VARS1: variants seen among roughly 807,000 people sequenced by gnomAD.
VARS1 encodes the protein valyl-tRNA synthetase 1.
Under a neutral mutation model 161.0 loss-of-function variants are expected in VARS1, and 92 were observed. The observed-to-expected ratio is 0.57, with a 90% CI of 0.48 to 0.68. The LOEUF (loss-of-function observed/expected upper bound fraction) is 0.68, where lower values mean the gene tolerates loss of function less well. VARS1 is among the 30% of genes least tolerant of loss of function. VARS1 has a pLI of 0.00. For missense variants in VARS1, 1,338 were observed against 1,695.9 expected (o/e 0.79, Z 3.71); for synonymous variants, 595 against 682.5 (o/e 0.87, Z 2.00).
chr6:31,794,968 G>T lies in VARS1; in HGVS notation c.250C>A (p.Leu84Met). The T allele has an allele frequency of 6.2e-7, 1 of 1,612,110 alleles. No homozygotes were observed. The highest frequency in any genetic ancestry group is 1.3e-5 in the African/African-American group (1 of 75,012). ...AVAQLLWPAG[L>M]GGPGGSRAAV... ...GCCCGGCTGCCCCCTGGGCCCCCCA[G>T]GCCTGCTGGCCACAGCAGCTGGGCC... The change falls in exon 2 of 30, where the codon CTG becomes ATG. Residue 84 changes from leucine to methionine, a missense_variant. Around this residue, in one of 3 missense-constraint regions of VARS1, gnomAD observed 902 missense variants for 1,090.3 expected, o/e 0.83. Transcript: ENST00000375663.
In VARS1 at chr6:31,781,844, T is replaced by C; in HGVS notation, c.2347+3A>G. Reference sequence around the variant, plus strand: ...CCTCCAGACCCTCAAAGCCCCGCCTTGCCTTGCTGGAGACTGATCTTGTCA... The same window carrying C: ...CCTCCAGACCCTCAAAGCCCCGCCTCGCCTTGCTGGAGACTGATCTTGTCA... On this transcript the variant is annotated splice_donor_region_variant and intron_variant, in intron 19 of 29. Transcript: ENST00000375663. The surrounding 1 kb of genome is among the most constrained non-coding windows in gnomAD (Gnocchi z 6.8). 1 of 1,612,992 alleles carries C rather than the reference T, an allele frequency of 6.2e-7. No individual in the cohort carries two copies. The highest frequency in any genetic ancestry group is 8.5e-7 in the Non-Finnish European group (1 of 1,180,000).
chr6:31,792,511 C>T lies in VARS1; in HGVS notation c.667G>A (p.Glu223Lys), dbSNP rs774943888. 8.1e-6 allele frequency: 13 copies of T among 1,613,410 alleles called. No individual in the cohort carries two copies. Among genetic ancestry groups the T allele is most frequent in the Non-Finnish European group, 1.0e-5 (12 of 1,179,888 alleles). The stretch of plus-strand genomic sequence containing the variant: ...GCTGTCTTTGGGAGGGCAGGAGCCT[C>T]GGGGCCTAGAGAGAGGTGCAGAAAT... ...ARPLSHQPGP[E>K]APALPKTAAQ... is the part of the protein sequence containing the mutation. Residue 223 changes from glutamate (E) to lysine (K), a missense_variant, in exon 5 of 30, where the codon GAG becomes AAG. Transcript: ENST00000375663.
Position 31,780,543 on chromosome 6 carries a change from G to T in VARS1, c.2823C>A (p.Asn941Lys), listed in dbSNP as rs949612526. 8 of 1,613,728 alleles carry T rather than the reference G, an allele frequency of 5.0e-6. No homozygotes were observed. The highest frequency in any genetic ancestry group is 6.8e-6 in the Non-Finnish European group (8 of 1,179,936). Residue 941 changes from asparagine (N) to lysine (K), a missense_variant, in exon 25 of 30, where the codon AAC (asparagine) becomes AAA (lysine). Physicochemically the swap from Asn to Lys is moderately conservative, Grantham distance 94. This residue lies in a region of VARS1 where 433 missense variants were observed against 586.2 expected (regional missense o/e 0.74). Transcript: ENST00000375663. This position sits in a 1 kb window ranked among gnomAD's most constrained non-coding sequence, Gnocchi z 5.1. ...SQGRDINLDV[N>K]RILGYRHFCN... Reference sequence around the variant, plus strand: ...AGAAGTGGCGGTAACCCAGTATCCGGTTCACATCCAGGTTGATGTCACGAC... The same window carrying T: ...AGAAGTGGCGGTAACCCAGTATCCGTTTCACATCCAGGTTGATGTCACGAC...
intron 8 of VARS1, among the ~76,000 whole-genome samples, chr6:31,786,846 C>G (rs1467359759): frequency 6.6e-6 from 1 of 151,964 alleles, no homozygotes; most frequent in Non-Finnish European, 1.5e-5. Flanking sequence ...TAAGGATAAA[C>G]TATTCAAAAT....
rs1293481406 is a variant in VARS1 at position 31,782,208 on chromosome 6, G to A, written c.2151-31C>T. On this transcript the variant is annotated intron_variant, in intron 17 of 29. Transcript: ENST00000375663. The surrounding 1 kb of genome is among the most constrained non-coding windows in gnomAD (Gnocchi z 8.3). ...AATGTCGGGGAGGAGAAATCAGGGA[G>A]GGCCTGATGGAGCCTGGCCCGAGTG... is the stretch of plus-strand genomic sequence containing the variant. The A allele has an allele frequency of 1.2e-6, 2 of 1,612,116 alleles. No homozygotes were observed. Among genetic ancestry groups the A allele is most frequent in the Non-Finnish European group, 8.5e-7 (1 of 1,179,010 alleles).
rs1308565015 is a variant in VARS1, at chr6:31,784,764, C to T, written c.1348-50G>A. The stretch of plus-strand genomic sequence containing the variant: ...GAGAGATGGGCCTTGTGCCTGGAGG[C>T]CCAGGCAGACACCCAGGGCTCCAGT... On this transcript the variant is annotated intron_variant, in intron 10 of 29. Coordinates refer to ENST00000375663, the MANE Select transcript of VARS1 (RefSeq NM_006295.3). This position sits in a 1 kb window ranked among gnomAD's most constrained non-coding sequence, Gnocchi z 6.1. 1 of 1,609,974 alleles carries T rather than the reference C, an allele frequency of 6.2e-7. No individual in the cohort carries two copies. Among genetic ancestry groups the T allele is most frequent in the Non-Finnish European group, 8.5e-7 (1 of 1,178,528 alleles).
chr6:31,794,107 A>AG lies in VARS1; in HGVS notation c.387+723_387+724insC, dbSNP rs553021870. Among the ~76,000 whole-genome samples, 18 of 151,746 alleles carry AG rather than the reference A, an allele frequency of 1.2e-4. No homozygotes were observed. The South Asian group carries it at 1.9e-3, about 16-fold the overall frequency. Reference sequence around the variant, plus strand: ...AGATTCTGTCTCAAAAAAAAAAAAAAAAAAGAAAAGAAAAGAAATAAAAGA... The same window carrying AG: ...AGATTCTGTCTCAAAAAAAAAAAAAAGAAAAGAAAAGAAAAGAAATAAAAGA... On this transcript the variant is annotated intron_variant, in intron 2 of 29. Coordinates refer to ENST00000375663, the MANE Select transcript of VARS1 (RefSeq NM_006295.3).
rs757787598 is a variant in VARS1 at position 31,779,038 on chromosome 6, G to A, written c.3655C>T (p.Arg1219Trp). The change falls in exon 29 of 30, where the codon CGG (arginine) becomes TGG (tryptophan). Residue 1219 changes from arginine (R) to tryptophan (W), a missense_variant. Transcript: ENST00000375663. This position sits in a 1 kb window ranked among gnomAD's most constrained non-coding sequence, Gnocchi z 9.1. Reference protein sequence around the residue: ...VEAQRQAQRLRERRAASGYPV... With the variant: ...VEAQRQAQRLWERRAASGYPV... ...TAGCCCGAGGCAGCACGGCGTTCCC[G>A]CAGACGCTGGGCCTGCCGCTGGGCC... The A allele has an allele frequency of 1.5e-5, 24 of 1,612,740 alleles. No homozygotes were observed. Among genetic ancestry groups the A allele is most frequent in the East Asian group, 4.5e-5 (2 of 44,898 alleles).
At position 31,777,546 on chromosome 6, in the gene VARS1, A is replaced by T; in HGVS notation, c.*48T>A. The T allele has an allele frequency of 6.2e-7, 1 of 1,609,376 alleles. No individual in the cohort carries two copies. The highest frequency in any genetic ancestry group is 8.5e-7 in the Non-Finnish European group (1 of 1,175,988). On this transcript the variant is annotated 3_prime_UTR_variant, in exon 30 of 30. Transcript: ENST00000375663. This position sits in a 1 kb window ranked among gnomAD's most constrained non-coding sequence, Gnocchi z 5.8. Reference sequence around the variant, plus strand: ...TGTGGGAAAATATTTTATTGCTGCCATCCCCATGGTGAGCCGCTGGGGGTG... The same window carrying T: ...TGTGGGAAAATATTTTATTGCTGCCTTCCCCATGGTGAGCCGCTGGGGGTG...
In VARS1 at chr6:31,781,225, G is replaced by C; in HGVS notation, c.2545-102C>G. 1 of 1,384,808 alleles carries C rather than the reference G, an allele frequency of 7.2e-7. No individual in the cohort carries two copies. Among genetic ancestry groups the C allele is most frequent in the Non-Finnish European group, 1.0e-6 (1 of 997,138 alleles). The allele number at this position is 1,384,808 out of a possible 1,614,324, so 85.8% of individuals were successfully genotyped here. A position where few individuals can be genotyped will look rare whatever the true frequency, so the allele number is the denominator to read the frequency against. ...CTGGTCTACCCCACTGTGAACCTCA[G>C]GTCCCACTGAGTGTCCCCAAGAGCT... On this transcript the variant is annotated intron_variant, in intron 21 of 29. Coordinates refer to ENST00000375663, the MANE Select transcript of VARS1 (RefSeq NM_006295.3). The surrounding 1 kb of genome is among the most constrained non-coding windows in gnomAD (Gnocchi z 6.8).
At chr6:31,793,249 CAAAT>C (rs1017572983) in intron 2 of VARS1, 129 bp from the exon 3 acceptor site, 17 of 1,245,588 alleles carry the variant, frequency 1.4e-5, no homozygotes, top group Admixed American at 3.0e-5. Flanking sequence ...TTTCTTCACT[CAAAT>C]AGTCACAATA....
chr6:31,779,456 G>C lies in VARS1; in HGVS notation c.3369C>G (p.Ala1123=). The change falls in exon 28 of 30, where the codon GCC becomes GCG. Residue 1123 remains alanine, a synonymous_variant. Coordinates refer to ENST00000375663, the MANE Select transcript of VARS1 (RefSeq NM_006295.3). The surrounding 1 kb of genome is among the most constrained non-coding windows in gnomAD (Gnocchi z 9.1). ...SITRAVRSLR[A]DYNLTRIRPD... is the part of the protein sequence containing the mutation. ...GCCGGATCCGGGTGAGGTTGTAGTC[G>C]GCCCGCAGGGAGCGCACGGCTCGCG... 2 of 1,612,562 alleles carry C rather than the reference G, an allele frequency of 1.2e-6. No individual in the cohort carries two copies. Among genetic ancestry groups the C allele is most frequent in the Non-Finnish European group, 1.7e-6 (2 of 1,179,998 alleles).
In VARS1 at chr6:31,795,277, A is replaced by G; in HGVS notation, c.-33-27T>C. 7.4e-7 allele frequency: 1 copy of G among 1,356,622 alleles called. No homozygotes were observed. The allele number at this position is 1,356,622 out of a possible 1,614,324, so 84.0% of individuals were successfully genotyped here. ...TAAGGAGAAAGAGAGACAGGGGAAG[A>G]CTGCGGGATCGAGGTGGGTCCTATG... On this transcript the variant is annotated intron_variant, in intron 1 of 29. Transcript: ENST00000375663. This position sits in a 1 kb window ranked among gnomAD's most constrained non-coding sequence, Gnocchi z 6.9.
At chr6:31,789,707 G>A (rs1813740007) in intron 8 of VARS1, among the ~76,000 whole-genome samples, 1 of 152,156 alleles carries the variant, frequency 6.6e-6, no homozygotes, top group African/African-American at 2.4e-5. Flanking sequence ...TGGAAGAATT[G>A]TCTTGGGCCA....
rs776072504 is a variant in VARS1, at chr6:31,791,613, C to T, written c.1097G>A (p.Arg366Gln). ...LTNAIQDSLT[R>Q]WHRMRGETTL... ...GAAGGTGCAGATAGAAGCTCACCAT[C>T]GAGTCAGGGAGTCCTGGATGGCGTT... Residue 366 changes from arginine (R) to glutamine (Q), a missense_variant, in exon 8 of 30, where the codon CGA becomes CAA. Arg to Gln is a conservative substitution (Grantham distance 43). This residue lies in a region of VARS1 where 902 missense variants were observed against 1,090.3 expected (regional missense o/e 0.83). Coordinates refer to ENST00000375663, the MANE Select transcript of VARS1 (RefSeq NM_006295.3). This position sits in a 1 kb window ranked among gnomAD's most constrained non-coding sequence, Gnocchi z 5.0. 8.7e-6 allele frequency: 14 copies of T among 1,609,500 alleles called. No individual in the cohort carries two copies. Among genetic ancestry groups the T allele is most frequent in the Non-Finnish European group, 1.1e-5 (13 of 1,177,974 alleles).
chr6:31,785,744 G>A lies in VARS1; in HGVS notation c.1101-11C>T. ...CCACGCATGCGGTGCCTGTTAGGGG[G>A]CATGGAGGACCAGAGGGTGAGCCAG... On this transcript the variant is annotated splice_polypyrimidine_tract_variant and intron_variant, in intron 8 of 29. Transcript: ENST00000375663. This position sits in a 1 kb window ranked among gnomAD's most constrained non-coding sequence, Gnocchi z 6.1. 1 of 1,604,012 alleles carries A rather than the reference G, an allele frequency of 6.2e-7. No homozygotes were observed. The highest frequency in any genetic ancestry group is 1.1e-5 in the South Asian group (1 of 90,018).
chr6:31,778,732 C>G lies in VARS1; in HGVS notation c.3726+235G>C. On this transcript the variant is annotated intron_variant, in intron 29 of 29. Coordinates refer to ENST00000375663, the MANE Select transcript of VARS1 (RefSeq NM_006295.3). The surrounding 1 kb of genome is among the most constrained non-coding windows in gnomAD (Gnocchi z 5.1). ...TCACCATGTTGGCTGGTCTCAAACC[C>G]CTGGGCTCAAGTGATCCACCCACCT... 1.7e-6 allele frequency: 1 copy of G among 592,206 alleles called. No homozygotes were observed. Among genetic ancestry groups the G allele is most frequent in the South Asian group, 2.1e-5 (1 of 48,584 alleles). 36.7% of individuals were successfully genotyped at this position (592,206 alleles called of 1,614,324 possible).
At position 31,791,535 on chromosome 6, in the gene VARS1, CG is replaced by C. The variant is rs1160593179; in HGVS notation, c.1100+74del. ...GCACCAACCCAGAAGGAGAGAGGCT[CG>C]GGGGGCTGTCAGGGAAAAGGAGAGA... is the stretch of plus-strand genomic sequence containing the variant. On this transcript the variant is annotated intron_variant, in intron 8 of 29. Transcript: ENST00000375663. The surrounding 1 kb of genome is among the most constrained non-coding windows in gnomAD (Gnocchi z 5.0). 6.5e-6 allele frequency: 10 copies of C among 1,527,118 alleles called. No individual in the cohort carries two copies. The East Asian group carries it at 9.2e-5, about 14-fold the overall frequency. The allele number at this position is 1,527,118 out of a possible 1,614,324, so 94.6% of individuals were successfully genotyped here.
rs754688832 is a variant in VARS1 at position 31,782,349 on chromosome 6, C to G, written c.2086G>C (p.Gly696Arg). 70 of 1,612,864 alleles carry G rather than the reference C, an allele frequency of 4.3e-5. No homozygotes were observed. In the South Asian group the frequency reaches 7.0e-4, roughly 16 times the overall value. The change falls in exon 17 of 30, where the codon GGT (glycine) becomes CGT (arginine). Residue 696 changes from glycine to arginine, a missense_variant. Physicochemically the swap from Gly to Arg is moderately radical, Grantham distance 125. Around this residue, in one of 3 missense-constraint regions of VARS1, gnomAD observed 902 missense variants for 1,090.3 expected, o/e 0.83. Coordinates refer to ENST00000375663, the MANE Select transcript of VARS1 (RefSeq NM_006295.3). This position sits in a 1 kb window ranked among gnomAD's most constrained non-coding sequence, Gnocchi z 8.3. ...GCCTCAGGCAGGATGCGGAGGTCACCCCGAGTCACAGCGGCGCTGGCAGCC... is the reference window on the plus strand; with the variant it reads ...GCCTCAGGCAGGATGCGGAGGTCACGCCGAGTCACAGCGGCGCTGGCAGCC... ...AQAASAAVTR[G>R]DLRILPEAHQ... is the part of the protein sequence containing the mutation.
Sources: gnomAD v4.1 joint callset for allele counts (sites outside exome capture counted in the v4.1 genomes callset) on GRCh38, gnomAD v4.1.1 for gene constraint, gnomAD v4.1.1 regional missense constraint, Gnocchi (gnomAD v3.1) non-coding constraint, MANE v1.5 for transcripts, NCBI Gene and HGNC (gene_info 2026-07-23, HGNC 2026-07-21) for gene names.